ICA1: variants seen among roughly 807,000 people sequenced by gnomAD.
ICA1 encodes 69 kDa islet cell autoantigen.
In ICA1, 40 loss-of-function variants were observed where a neutral mutation model predicts 71.0. That is an observed-to-expected ratio of 0.56 (90% CI 0.44 to 0.73). The LOEUF is 0.73. Ranked by LOEUF, ICA1 falls within the 30% of genes least tolerant of loss-of-function variation. ICA1 has a pLI of 0.00. For missense variants in ICA1, 578 were observed against 576.5 expected (o/e 1.00, Z -0.03); for synonymous variants, 207 against 209.5 (o/e 0.99, Z 0.10).
rs570222421 is a variant in ICA1, at chr7:8,175,197, C to T, written c.580-16545G>A. Among the ~76,000 whole-genome samples the T allele has an allele frequency of 1.8e-3, 269 of 152,032 alleles. 1 individual carries two copies. The highest frequency in any genetic ancestry group is 6.3e-3 in the African/African-American group (261 of 41,454). On this transcript the variant is annotated intron_variant, in intron 6 of 13. Transcript: ENST00000402384. ...TGCTTAACCTTGCTCAAGGAGGGAG[C>T]AGGGTAGAGAGATTTCAGGGACAGG...
rs1277308204 is a variant in ICA1 at position 8,139,190 on chromosome 7, C to T, written c.956-143G>A. The stretch of plus-strand genomic sequence containing the variant: ...GCCAGAAGCAAGGGTCCTCAGATTA[C>T]ACTGGACTCCTGCTATCAGCTCTCA... On this transcript the variant is annotated intron_variant, in intron 10 of 13. Transcript: ENST00000402384. 12 of 621,094 alleles carry T rather than the reference C, an allele frequency of 1.9e-5. No individual in the cohort carries two copies. In the East Asian group the frequency reaches 3.0e-4, roughly 15 times the overall value. 38.5% of individuals were successfully genotyped at this position (621,094 alleles called of 1,614,324 possible).
Position 8,202,939 on chromosome 7 carries a change from C to T in ICA1, c.579+15366G>A, listed in dbSNP as rs1377358340. On this transcript the variant is annotated intron_variant, in intron 6 of 13. Coordinates refer to ENST00000402384, the MANE Select transcript of ICA1 (RefSeq NM_001136020.3). ...CTGTGGGCAATTTTAACATGCATAT[C>T]AGGACAGGACAGTGTCAGAGTGCTC... is the stretch of plus-strand genomic sequence containing the variant. 2.0e-5 allele frequency among the ~76,000 whole-genome samples: 3 copies of T among 152,146 alleles called. No homozygotes were observed. In the East Asian group the frequency reaches 5.8e-4, roughly 29 times the overall value.
In ICA1 at chr7:8,144,099, A is replaced by T; in HGVS notation, c.805-127T>A. 1 of 626,408 alleles carries T rather than the reference A, an allele frequency of 1.6e-6. No homozygotes were observed. The highest frequency in any genetic ancestry group is 2.8e-6 in the Non-Finnish European group (1 of 358,922). The allele number at this position is 626,408 out of a possible 1,614,324, so 38.8% of individuals were successfully genotyped here. A position where few individuals can be genotyped will look rare whatever the true frequency, so the allele number is the denominator to read the frequency against. ...ATTTGTCCCAGCAACCAAACTTTGA[A>T]TTACAGGTATTGGGAGGTGACCTTG... On this transcript the variant is annotated intron_variant, in intron 8 of 13. Transcript: ENST00000402384. The surrounding 1 kb of genome is among the most constrained non-coding windows in gnomAD (Gnocchi z 4.5).
intron 6 of ICA1, among the ~76,000 whole-genome samples, chr7:8,174,082 G>A (rs1779719680): frequency 6.6e-6 from 1 of 152,142 alleles, no homozygotes; most frequent in Non-Finnish European, 1.5e-5. Context: ...TGGAGGAAAT[G>A]AGGAAGCAAA....
intron 6 of ICA1, among the ~76,000 whole-genome samples, chr7:8,202,111 TG>T (rs1789923568): frequency 6.6e-6 from 1 of 152,226 alleles, no homozygotes; most frequent in Non-Finnish European, 1.5e-5. Context: ...AGCCAAATTT[TG>T]ATTGACTCAA....
At chr7:8,172,283 T>C (rs1022817027) in intron 6 of ICA1, among the ~76,000 whole-genome samples, 4 of 152,104 alleles carry the variant, frequency 2.6e-5, no homozygotes, top group Non-Finnish European at 5.9e-5. Context: ...AACATTGGGA[T>C]TGTTATATCC....
Position 8,157,151 on chromosome 7 carries a change from T to G in ICA1, c.769A>C (p.Lys257Gln), listed in dbSNP as rs768011171. Residue 257 changes from lysine (K) to glutamine (Q), a missense_variant, in exon 8 of 14, where the codon AAA becomes CAA. Transcript: ENST00000402384. ...HTMAAIHESF[K>Q]GYQPYEFTTL... ...GTAAATTCATATGGTTGATAACCTT[T>G]GAAACTCTCATGGATGGCTGCCATA... The G allele has an allele frequency of 7.4e-6, 12 of 1,613,660 alleles. No homozygotes were observed. Among genetic ancestry groups the G allele is most frequent in the African/African-American group, 1.3e-5 (1 of 74,876 alleles).
At position 8,226,217 on chromosome 7, in the gene ICA1, C is replaced by T. The variant is rs144202534; in HGVS notation, c.256+2384G>A. On this transcript the variant is annotated intron_variant, in intron 4 of 13. Transcript: ENST00000402384. The surrounding 1 kb of genome is among the most constrained non-coding windows in gnomAD (Gnocchi z 4.4). The stretch of plus-strand genomic sequence containing the variant: ...TCATAGCTCCCTCTTCACCTTTGCT[C>T]CTCCATTCTCATTCCCTCCTCTCCA... Among the ~76,000 whole-genome samples, 205 of 152,156 alleles carry T rather than the reference C, an allele frequency of 1.3e-3. No homozygotes were observed. The highest frequency in any genetic ancestry group is 4.4e-3 in the African/African-American group (184 of 41,506).
At chr7:8,201,559 GAGGGTTGCCTCTC>G (rs1789694710) in intron 6 of ICA1, among the ~76,000 whole-genome samples, 1 of 152,222 alleles carries the variant, frequency 6.6e-6, no homozygotes. Context: ...GAGTCTGCAA[GAGGGTTGCCTCTC>G]AGGCCTGACT....
rs1335405677 is a variant in ICA1, at chr7:8,229,648, C to T, written c.184-975G>A. The stretch of plus-strand genomic sequence containing the variant: ...CTACATTTGCGTGAACACAGATGAT[C>T]TGTTTCATTATAAATATGACTAAAT... On this transcript the variant is annotated intron_variant, in intron 3 of 13. Transcript: ENST00000402384. 3.3e-5 allele frequency among the ~76,000 whole-genome samples: 5 copies of T among 152,280 alleles called. No homozygotes were observed. The East Asian group carries it at 9.6e-4, about 29-fold the overall frequency.
chr7:8,123,575 T>C lies in ICA1; in HGVS notation c.1330+4298A>G, dbSNP rs1787872232. Among the ~76,000 whole-genome samples, 1 of 152,098 alleles carries C rather than the reference T, an allele frequency of 6.6e-6. No homozygotes were observed. Among genetic ancestry groups the C allele is most frequent in the African/African-American group, 2.4e-5 (1 of 41,400 alleles). Reference sequence around the variant, plus strand: ...AGCTGCTGGCACACAGGAACAAGATTTCCTAGGACAATCTCAATTTCAAAT... The same window carrying C: ...AGCTGCTGGCACACAGGAACAAGATCTCCTAGGACAATCTCAATTTCAAAT... On this transcript the variant is annotated intron_variant, in intron 13 of 13. Transcript: ENST00000402384. The surrounding 1 kb of genome is among the most constrained non-coding windows in gnomAD (Gnocchi z 4.1).
At chr7:8,219,115 C>A (rs949596962) in intron 5 of ICA1, among the ~76,000 whole-genome samples, 5 of 151,776 alleles carry the variant, frequency 3.3e-5, no homozygotes, top group African/African-American at 9.7e-5. Flanking sequence ...GATACTATAC[C>A]AGAAATGAAA....
At chr7:8,227,756 T>C (rs960187218) in intron 4 of ICA1, 1 of 410,554 alleles carries the variant, frequency 2.4e-6, no homozygotes, top group Non-Finnish European at 4.9e-6. Flanking sequence ...TTTAAGTGTT[T>C]TTATTTTTTG....
intron 9 of ICA1, 98 bp from the exon 10 acceptor site, chr7:8,141,915 A>G: frequency 7.8e-7 from 1 of 1,280,914 alleles, no homozygotes; most frequent in Non-Finnish European, 1.1e-6. Context: ...TTTTAACACA[A>G]ACACATACAC....
At chr7:8,229,931 A>G (rs185802521) in intron 3 of ICA1, among the ~76,000 whole-genome samples, 10 of 152,326 alleles carry the variant, frequency 6.6e-5, no homozygotes, top group African/African-American at 2.2e-4. Context: ...AGGAGCAAGG[A>G]CGTTCAAAAA....
intron 12 of ICA1, among the ~76,000 whole-genome samples, chr7:8,136,798 T>C (rs1401807885): frequency 6.6e-6 from 1 of 152,254 alleles, no homozygotes. Context: ...GGGTATGGAC[T>C]GCTAGTCTAC....
In ICA1 at chr7:8,223,347, A is replaced by C. The variant is rs1797683042; in HGVS notation, c.257-1949T>G. The C allele has an allele frequency of 6.5e-6, 1 of 153,278 alleles. No homozygotes were observed. The highest frequency in any genetic ancestry group is 1.5e-5 in the Non-Finnish European group (1 of 68,038). The allele number at this position is 153,278 out of a possible 1,614,324, so 9.5% of individuals were successfully genotyped here. On this transcript the variant is annotated intron_variant, in intron 4 of 13. Transcript: ENST00000402384. The surrounding 1 kb of genome is among the most constrained non-coding windows in gnomAD (Gnocchi z 4.1). Reference sequence around the variant, plus strand: ...CCTGAATAATTACATGGTTGACAAAATGTACTCTTTCCTAAATAAACCTAA... The same window carrying C: ...CCTGAATAATTACATGGTTGACAAACTGTACTCTTTCCTAAATAAACCTAA...
intron 6 of ICA1, among the ~76,000 whole-genome samples, chr7:8,182,726 A>C (rs907404265): frequency 5.3e-5 from 8 of 152,246 alleles, no homozygotes; most frequent in Non-Finnish European, 1.0e-4. Flanking sequence ...TATTTTTAAA[A>C]ACATTTTGTC....
rs372247535 is a variant in ICA1 at position 8,218,412 on chromosome 7, G to C, written c.472C>G (p.Arg158Gly). 1 of 1,614,038 alleles carries C rather than the reference G, an allele frequency of 6.2e-7. No homozygotes were observed. Among genetic ancestry groups the C allele is most frequent in the South Asian group, 1.1e-5 (1 of 91,076 alleles). Residue 158 changes from arginine to glycine, a missense_variant, in exon 6 of 14, where the codon CGC becomes GGC. Coordinates refer to ENST00000402384, the MANE Select transcript of ICA1 (RefSeq NM_001136020.3). ...AISDTWLTVN[R>G]MEQCRTEYRG... ...TATTCCGTCCTGCACTGTTCCATGC[G>C]GTTCACCGTCAGCCAAGTATCTGAG...
Sources: allele counts gnomAD v4.1 joint callset (sites outside exome capture counted in the v4.1 genomes callset), GRCh38; gene constraint gnomAD v4.1.1; non-coding constraint Gnocchi (gnomAD v3.1); transcripts MANE v1.5; gene names NCBI Gene and HGNC (gene_info 2026-07-23, HGNC 2026-07-21).